Variants in TENM4 observed in about 807,000 individuals in gnomAD.
The protein encoded by TENM4 is teneurin transmembrane protein 4.
TENM4 carries 82 observed loss-of-function variants against 243.3 expected under a neutral mutation model. That is an observed-to-expected ratio of 0.34 (90% CI 0.28 to 0.40). The LOEUF is 0.40. Among genes scored for constraint, TENM4 ranks in the 10% least tolerant of loss-of-function variants. The pLI is 1.00. For missense variants in TENM4, 3,138 were observed against 3,673.3 expected (o/e 0.85, Z 3.77); for synonymous variants, 1,412 against 1,456.3 (o/e 0.97, Z 0.69).
Position 78,805,281 on chromosome 11 carries a change from C to CACCCACA in TENM4, c.2179+10_2179+11insTGTGGGT. 1 of 1,488,488 alleles carries CACCCACA rather than the reference C, an allele frequency of 6.7e-7. No homozygotes were observed. The highest frequency in any genetic ancestry group is 9.1e-7 in the Non-Finnish European group (1 of 1,097,810). 92.2% of individuals were successfully genotyped at this position (1,488,488 alleles called of 1,614,324 possible). ...TCCCTCTACCCATGCTTCTTCTCCC[C>CACCCACA]CTGCATTTACCGATAGAACAGTCGT... On this transcript the variant is annotated intron_variant, in intron 15 of 33. Transcript: ENST00000278550.
At chr11:79,015,726 GA>G (rs1168429339) in intron 6 of TENM4, among the ~76,000 whole-genome samples, 1 of 152,148 alleles carries the variant, frequency 6.6e-6, no homozygotes, top group African/African-American at 2.4e-5. Flanking sequence ...CACAATGCAT[GA>G]AAAAGACATG....
chr11:78,791,402 C>T (rs140288179), intron 15 of TENM4, among the ~76,000 whole-genome samples: 45 of 152,314 alleles, frequency 3.0e-4, no homozygotes, highest in South Asian at 8.3e-4. Flanking sequence ...ATGTCTTTTA[C>T]ATAATGTAAG....
intron 25 of TENM4, among the ~76,000 whole-genome samples, chr11:78,718,918 T>G (rs191007007): frequency 5.1e-4 from 77 of 152,328 alleles, no homozygotes; most frequent in South Asian, 1.5e-3. Flanking sequence ...AATTTCTCTT[T>G]GATTTACTTT....
chr11:79,378,391 G>C (rs1462792151), intron 1 of TENM4, among the ~76,000 whole-genome samples: 2 of 152,242 alleles, frequency 1.3e-5, no homozygotes, highest in South Asian at 2.1e-4. Flanking sequence ...ACAGGGGAAA[G>C]AAGATGATGA....
chr11:78,703,022 G>C (rs923393157), intron 27 of TENM4, among the ~76,000 whole-genome samples: 1 of 152,222 alleles, frequency 6.6e-6, no homozygotes. Context: ...CATGGCCTCT[G>C]TCTGTCATAG....
At chr11:79,315,181 G>T (rs980861784) in intron 1 of TENM4, among the ~76,000 whole-genome samples, 1 of 152,150 alleles carries the variant, frequency 6.6e-6, no homozygotes, top group African/African-American at 2.4e-5. Context: ...AGGCAGAGCT[G>T]CAGTAAGTCA....
chr11:78,658,885 A>G, intron 33 of TENM4, 69 bp from the exon 34 acceptor site: 1 of 1,519,054 alleles, frequency 6.6e-7, no homozygotes. Flanking sequence ...CTGGAGAATC[A>G]GCTTAAATAA....
chr11:79,101,392 T>C (rs533098248), intron 4 of TENM4, among the ~76,000 whole-genome samples: 1 of 152,228 alleles, frequency 6.6e-6, no homozygotes, highest in African/African-American at 2.4e-5. Context: ...GTTATTCTGA[T>C]GTTATTTCTG....
intron 2 of TENM4, among the ~76,000 whole-genome samples, chr11:79,283,575 G>T (rs188923951): frequency 3.3e-5 from 5 of 152,084 alleles, no homozygotes; most frequent in African/African-American, 4.8e-5. Flanking sequence ...CTTGATAGAG[G>T]TCATCTACAA....
chr11:79,438,584 C>CCAGG lies in TENM4; in HGVS notation c.-321+1921_-321+1924dup, dbSNP rs1859328207. 6.6e-6 allele frequency among the ~76,000 whole-genome samples: 1 copy of CCAGG among 152,134 alleles called. No homozygotes were observed. On this transcript the variant is annotated intron_variant, in intron 1 of 33. Transcript: ENST00000278550. The surrounding 1 kb of genome is among the most constrained non-coding windows in gnomAD (Gnocchi z 4.1). ...GCTGCCTGGGCATCTCCAAGGGGGACCAGGCACCGCGGGCAGGTTTCTAAA... is the reference window on the plus strand; with the variant it reads ...GCTGCCTGGGCATCTCCAAGGGGGACCAGGCAGGCACCGCGGGCAGGTTTCTAAA...
In TENM4 at chr11:79,111,493, C is replaced by T. The variant is rs182355972; in HGVS notation, c.-66+37217G>A. 7.2e-5 allele frequency among the ~76,000 whole-genome samples: 11 copies of T among 152,114 alleles called. No homozygotes were observed. In the East Asian group the frequency reaches 7.7e-4, roughly 11 times the overall value. On this transcript the variant is annotated intron_variant, in intron 4 of 33. Coordinates refer to ENST00000278550, the MANE Select transcript of TENM4 (RefSeq NM_001098816.3). ...CCGGGAGGTGGAGCTTGCAGTGAGC[C>T]GAGATGGCGCTGCTGCACTCCAGTC...
intron 27 of TENM4, 41 bp downstream of exon 27, chr11:78,708,320 A>C (rs1313160707): frequency 1.2e-6 from 2 of 1,609,972 alleles, no homozygotes; most frequent in Non-Finnish European, 1.7e-6. Flanking sequence ...TGAGAGGATG[A>C]GTGGGCAGTC....
chr11:79,298,678 T>C (rs1856499496), intron 1 of TENM4, among the ~76,000 whole-genome samples: 1 of 152,048 alleles, frequency 6.6e-6, no homozygotes, highest in African/African-American at 2.4e-5. Flanking sequence ...GCTAATAATA[T>C]CTACAGATAT....
At position 78,725,291 on chromosome 11, in the gene TENM4, C is replaced by G. The variant is rs557059483; in HGVS notation, c.3550+788G>C. On this transcript the variant is annotated intron_variant, in intron 23 of 33. Coordinates refer to ENST00000278550, the MANE Select transcript of TENM4 (RefSeq NM_001098816.3). ...AAATTTTAGAATTAGTTTGTCAATT[C>G]CCCCTGAAAACATGCTGTGGTTTTG... 3.9e-5 allele frequency among the ~76,000 whole-genome samples: 6 copies of G among 152,260 alleles called. No homozygotes were observed. In the East Asian group the frequency reaches 1.2e-3, roughly 29 times the overall value.
At chr11:78,718,585 C>T (rs1859573267) in intron 25 of TENM4, among the ~76,000 whole-genome samples, 1 of 152,164 alleles carries the variant, frequency 6.6e-6, no homozygotes, top group African/African-American at 2.4e-5. Flanking sequence ...TTGCAGCCGC[C>T]ACCACTAACT....
At chr11:78,930,356 T>C (rs892263087) in intron 6 of TENM4, among the ~76,000 whole-genome samples, 1 of 152,216 alleles carries the variant, frequency 6.6e-6, no homozygotes, top group Non-Finnish European at 1.5e-5. Flanking sequence ...CATTGTCCAC[T>C]GAATATGGTC....
At chr11:78,976,255 T>C (rs1201588498) in intron 6 of TENM4, among the ~76,000 whole-genome samples, 1 of 152,124 alleles carries the variant, frequency 6.6e-6, no homozygotes, top group Non-Finnish European at 1.5e-5. Context: ...GCTCCTTCCA[T>C]AGCATCTTAG....
At chr11:79,039,429 G>C (rs1565178027) in intron 6 of TENM4, among the ~76,000 whole-genome samples, 1 of 152,208 alleles carries the variant, frequency 6.6e-6, no homozygotes. Flanking sequence ...GACGCAGAAA[G>C]AAGCCAGTTT....
At chr11:79,181,700 T>C (rs1863284200) in intron 3 of TENM4, among the ~76,000 whole-genome samples, 1 of 149,530 alleles carries the variant, frequency 6.7e-6, no homozygotes, top group African/African-American at 2.5e-5. Flanking sequence ...CTGAAAGAAC[T>C]GATTAAAAAA....
Sources: gnomAD v4.1 joint callset for allele counts (sites outside exome capture counted in the v4.1 genomes callset) on GRCh38, gnomAD v4.1.1 for gene constraint, Gnocchi (gnomAD v3.1) non-coding constraint, MANE v1.5 for transcripts, NCBI Gene and HGNC (gene_info 2026-07-23, HGNC 2026-07-21) for gene names.